The following SLC14A2 variants were observed in gnomAD, a reference collection of about 807,000 sequenced individuals.
SLC14A2 encodes urea transporter 2.
Under a neutral mutation model 104.6 loss-of-function variants are expected in SLC14A2, and 91 were observed. The observed-to-expected ratio is 0.87, with a 90% CI of 0.73 to 1.04. The LOEUF is 1.04. SLC14A2 is among the 50% of genes least tolerant of loss of function. The pLI is 0.00. For synonymous variants in SLC14A2, 476 were observed against 466.4 expected (o/e 1.02, Z -0.27); for missense variants, 1,189 against 1,156.0 (o/e 1.03, Z -0.41).
rs769804768 is a variant in SLC14A2 at position 45,346,980 on chromosome 18, A to AAAATAAAAAT, written c.-125+133796_-125+133797insAATAAATAAA. ...AGACTCAAAAATAAAAATAAAAATA[A>AAAATAAAAAT]AAATAAATAAATAAATAAATAAATA... On this transcript the variant is annotated intron_variant, in intron 1 of 20. Transcript: ENST00000586448. 2.1e-3 allele frequency among the ~76,000 whole-genome samples: 238 copies of AAAATAAAAAT among 111,292 alleles called. 4 individuals are homozygous for AAAATAAAAAT. The highest frequency in any genetic ancestry group is 0.011 in the African/African-American group (223 of 19,978). The allele number at this position is 111,292 out of a possible 152,430, so 73.0% of individuals were successfully genotyped here.
chr18:45,441,808 G>C (rs1330591559), intron 1 of SLC14A2, among the ~76,000 whole-genome samples: 1 of 152,158 alleles, frequency 6.6e-6, no homozygotes, highest in Non-Finnish European at 1.5e-5. Flanking sequence ...CTGCATTTGG[G>C]GGCCTCCAGT....
chr18:45,422,054 G>A (rs1568194084), intron 1 of SLC14A2, among the ~76,000 whole-genome samples: 1 of 152,224 alleles, frequency 6.6e-6, no homozygotes, highest in Non-Finnish European at 1.5e-5. Flanking sequence ...ATGGAGAAGA[G>A]AAGCTGAAAA....
chr18:45,378,870 C>A (rs1280332459), intron 1 of SLC14A2, among the ~76,000 whole-genome samples: 1 of 152,136 alleles, frequency 6.6e-6, no homozygotes, highest in East Asian at 1.9e-4. Flanking sequence ...CTCAGCCTCC[C>A]GAAGTGCTGG....
At chr18:45,560,423 C>T (rs1014211201) in intron 2 of SLC14A2, among the ~76,000 whole-genome samples, 1 of 152,122 alleles carries the variant, frequency 6.6e-6, no homozygotes, top group Non-Finnish European at 1.5e-5. Context: ...ATCCATATAC[C>T]TCAGGGATTT....
Position 45,303,974 on chromosome 18 carries a change from T to C in SLC14A2, c.-125+90783T>C, listed in dbSNP as rs76420573. 2.6e-5 allele frequency among the ~76,000 whole-genome samples: 4 copies of C among 152,158 alleles called. No individual in the cohort carries two copies. The South Asian group carries it at 6.2e-4, about 24-fold the overall frequency. ...TGTGGTGATGAATTAACAACTGAAGTGTTTTTCTAATTATTCGACAACCCA... is the reference window on the plus strand; with the variant it reads ...TGTGGTGATGAATTAACAACTGAAGCGTTTTTCTAATTATTCGACAACCCA... On this transcript the variant is annotated intron_variant, in intron 1 of 20. Coordinates refer to the SLC14A2 transcript ENST00000586448.
Position 45,682,435 on chromosome 18 carries a change from G to C in SLC14A2, c.2679G>C (p.Glu893Asp). The change falls in exon 20 of 20, where the codon GAG (glutamate) becomes GAC (aspartate). Residue 893 changes from glutamate (E) to aspartate (D), a missense_variant. Physicochemically the swap from Glu to Asp is conservative, Grantham distance 45. Coordinates refer to ENST00000255226, the MANE Select transcript of SLC14A2 (RefSeq NM_007163.4). ...KLPLSKVTYP[E>D]ANRIYYLSQE... ...CGCTCAGCAAAGTCACCTACCCAGA[G>C]GCCAACCGCATCTACTACCTGTCCC... 1 of 1,614,106 alleles carries C rather than the reference G, an allele frequency of 6.2e-7. No homozygotes were observed. Among genetic ancestry groups the C allele is most frequent in the African/African-American group, 1.3e-5 (1 of 75,014 alleles).
At chr18:45,456,047 G>A (rs2086938215) in intron 1 of SLC14A2, among the ~76,000 whole-genome samples, 1 of 152,106 alleles carries the variant, frequency 6.6e-6, no homozygotes, top group Admixed American at 6.5e-5. Flanking sequence ...TAACATTTTG[G>A]TTTGGGTAAC....
intron 2 of SLC14A2, among the ~76,000 whole-genome samples, chr18:45,512,523 G>A (rs1390479887): frequency 6.6e-6 from 1 of 152,076 alleles, no homozygotes; most frequent in Admixed American, 6.5e-5. Flanking sequence ...TGCTTTCCTG[G>A]TCAGCCCTTG....
chr18:45,671,004 G>A (rs983162044), intron 16 of SLC14A2, among the ~76,000 whole-genome samples: 2 of 152,144 alleles, frequency 1.3e-5, no homozygotes, highest in Non-Finnish European at 2.9e-5. Context: ...CATTTTGTGT[G>A]TGTGAGGACC....
chr18:45,634,088 T>C (rs2045383385), intron 5 of SLC14A2, among the ~76,000 whole-genome samples: 1 of 152,102 alleles, frequency 6.6e-6, no homozygotes, highest in African/African-American at 2.4e-5. Context: ...CACTTCCCAA[T>C]TTAAAGGACA....
chr18:45,483,898 C>A (rs1183655506), intron 2 of SLC14A2, among the ~76,000 whole-genome samples: 4 of 152,148 alleles, frequency 2.6e-5, no homozygotes, highest in Admixed American at 2.0e-4. Flanking sequence ...GAAAGCTGCT[C>A]AAGATGGATG....
intron 2 of SLC14A2, among the ~76,000 whole-genome samples, chr18:45,536,104 G>A (rs1168658068): frequency 6.6e-6 from 1 of 152,182 alleles, no homozygotes; most frequent in Non-Finnish European, 1.5e-5. Context: ...TATTGTCCAG[G>A]AGGGCTTCTT....
intron 1 of SLC14A2, among the ~76,000 whole-genome samples, chr18:45,330,379 T>C (rs1037466109): frequency 2.0e-5 from 3 of 152,062 alleles, no homozygotes; most frequent in African/African-American, 4.8e-5. Flanking sequence ...TGGGGGAAAA[T>C]TTATCATTAG....
At chr18:45,269,776 C>T (rs2084631539) in intron 1 of SLC14A2, among the ~76,000 whole-genome samples, 1 of 152,170 alleles carries the variant, frequency 6.6e-6, no homozygotes, top group Non-Finnish European at 1.5e-5. Context: ...TTTTTCACTT[C>T]AGCTGAGATA....
intron 1 of SLC14A2, among the ~76,000 whole-genome samples, chr18:45,298,357 T>G (rs1181945565): frequency 6.6e-6 from 1 of 152,220 alleles, no homozygotes; most frequent in East Asian, 1.9e-4. Flanking sequence ...GTTTGCTTGC[T>G]TGTTTCCCCT....
intron 1 of SLC14A2, among the ~76,000 whole-genome samples, chr18:45,275,275 A>G (rs980364535): frequency 1.1e-4 from 17 of 152,254 alleles, no homozygotes; most frequent in African/African-American, 3.6e-4. Flanking sequence ...GAAAAACTAT[A>G]TCTCCACTAC....
chr18:45,194,317 G>T, the SLC14A2 span, among the ~76,000 whole-genome samples: 1 of 152,114 alleles, frequency 6.6e-6, no homozygotes, highest in African/African-American at 2.4e-5. Context: ...CAGTAGTTAA[G>T]GTTAGTTGTC....
chr18:45,524,857 C>T (rs964264064), intron 2 of SLC14A2, among the ~76,000 whole-genome samples: 1 of 152,172 alleles, frequency 6.6e-6, no homozygotes, highest in African/African-American at 2.4e-5. Context: ...GCCCCATTTT[C>T]TCCTCACCCT....
In SLC14A2 at chr18:45,667,865, G is replaced by A. The variant is rs2046054743; in HGVS notation, c.1750G>A (p.Val584Ile). 4 of 1,613,970 alleles carry A rather than the reference G, an allele frequency of 2.5e-6. No individual in the cohort carries two copies. The highest frequency in any genetic ancestry group is 1.3e-5 in the African/African-American group (1 of 74,892). ...CCCAGTGTTCCAGTTCTTTGACTGG[G>A]TCCTCCGAGGCACATCTCAAGTGAT... ...KSPVFQFFDW[V>I]LRGTSQVMFV... Residue 584 changes from valine to isoleucine, a missense_variant, in exon 14 of 20, where the codon GTC becomes ATC. By Grantham distance (29) the Val-to-Ile change is conservative. Transcript: ENST00000255226.
Sources: allele counts gnomAD v4.1 joint callset (sites outside exome capture counted in the v4.1 genomes callset), GRCh38; gene constraint gnomAD v4.1.1; transcripts MANE v1.5; gene names NCBI Gene and HGNC (gene_info 2026-07-23, HGNC 2026-07-21).